Variants in PCDHGB1 observed in about 807,000 individuals in gnomAD.
The protein encoded by PCDHGB1 is protocadherin gamma-B1.
In PCDHGB1, 34 loss-of-function variants were observed where a neutral mutation model predicts 56.6. The ratio of observed to expected loss-of-function variants is 0.60; its 90% confidence interval spans 0.46 to 0.80. The LOEUF is 0.80. PCDHGB1 is among the 30% of genes least tolerant of loss of function. The probability of loss-of-function intolerance (pLI) is 0.00; values close to 1 mark genes in which losing one functional copy is unlikely to be tolerated. For synonymous variants in PCDHGB1, 561 were observed against 505.9 expected, an observed-to-expected ratio of 1.11 and a Z score of -1.46; for missense variants, 1,278 against 1,204.6, an observed-to-expected ratio of 1.06 and a Z score of -0.90.
chr5:141,351,590 A>C lies in PCDHGB1; in HGVS notation c.1330A>C (p.Asn444His), dbSNP rs1758764675. 1 of 1,613,860 alleles carries C rather than the reference A, an allele frequency of 6.2e-7. No homozygotes were observed. Among genetic ancestry groups the C allele is most frequent in the Admixed American group, 1.7e-5 (1 of 59,992 alleles). Residue 444 changes from asparagine (N) to histidine (H), a missense_variant, in exon 1 of 4, where the codon AAT becomes CAT. Transcript: ENST00000523390. ...ITLHISDIND[N>H]APVFHQASYV... Reference sequence around the variant, plus strand: ...CCTGCACATCTCCGACATCAACGACAATGCACCTGTTTTCCATCAGGCCTC... The same window carrying C: ...CCTGCACATCTCCGACATCAACGACCATGCACCTGTTTTCCATCAGGCCTC...
At chr5:141,373,705 A>G (rs1023574849) in intron 1 of PCDHGB1, among the ~76,000 whole-genome samples, 2 of 152,224 alleles carry the variant, frequency 1.3e-5, no homozygotes, top group African/African-American at 4.8e-5. Flanking sequence ...AAATTATTCA[A>G]AATAATCTCT....
At chr5:141,415,259 T>A (rs778452630) in intron 1 of PCDHGB1, 5 of 1,614,226 alleles carry the variant, frequency 3.1e-6, no homozygotes, top group Admixed American at 1.7e-5. Flanking sequence ...GACCTCACTC[T>A]GTACCTGGTG....
chr5:141,452,387 G>A (rs1052689230), intron 1 of PCDHGB1, among the ~76,000 whole-genome samples: 5 of 152,146 alleles, frequency 3.3e-5, no homozygotes, highest in African/African-American at 1.2e-4. Context: ...ATAGTATTTA[G>A]AAACTAAGAT....
intron 1 of PCDHGB1, chr5:141,430,741 A>T (rs370226249): frequency 6.7e-6 from 10 of 1,498,900 alleles, no homozygotes; most frequent in Non-Finnish European, 8.9e-6. Flanking sequence ...ATTGAAAATA[A>T]TTCTGGAGGA....
chr5:141,381,965 G>A (rs571350764), intron 1 of PCDHGB1, among the ~76,000 whole-genome samples: 2 of 151,078 alleles, frequency 1.3e-5, no homozygotes, highest in Admixed American at 1.3e-4. Context: ...GAGTAGCTGG[G>A]ATTACAGGCG....
chr5:141,399,274 C>T, intron 1 of PCDHGB1: 1 of 1,613,848 alleles, frequency 6.2e-7, no homozygotes, highest in Non-Finnish European at 8.5e-7. Context: ...TTGTCAATTA[C>T]AAGGCGAAGT....
At chr5:141,397,277 C>A (rs920366365) in intron 1 of PCDHGB1, among the ~76,000 whole-genome samples, 1 of 151,970 alleles carries the variant, frequency 6.6e-6, no homozygotes. Flanking sequence ...ATCATATGGG[C>A]AGTATACTTG....
intron 1 of PCDHGB1, chr5:141,389,415 G>A (rs915246049): frequency 1.9e-6 from 3 of 1,613,598 alleles, no homozygotes; most frequent in Non-Finnish European, 2.5e-6. Context: ...GGAGAGCGGG[G>A]TGGTGTTCGC....
intron 1 of PCDHGB1, among the ~76,000 whole-genome samples, chr5:141,473,466 G>A (rs1217251844): frequency 1.3e-5 from 2 of 151,738 alleles, no homozygotes; most frequent in East Asian, 1.9e-4. Flanking sequence ...TTAAAGTTGT[G>A]CCAAGTTCAA....
At position 141,476,090 on chromosome 5, in the gene PCDHGB1, C is replaced by T; in HGVS notation, c.2410-18717C>T. On this transcript the variant is annotated intron_variant, in intron 1 of 3. Coordinates refer to ENST00000523390, the MANE Select transcript of PCDHGB1 (RefSeq NM_018922.3). The surrounding 1 kb of genome is among the most constrained non-coding windows in gnomAD (Gnocchi z 7.6). ...GAAATCTCAGGGACGATCTGGACCC[C>T]GCTGAGAGGAACTGCTTTTGAGTGA... 3 of 1,562,222 alleles carry T rather than the reference C, an allele frequency of 1.9e-6. No individual in the cohort carries two copies. Among genetic ancestry groups the T allele is most frequent in the African/African-American group, 1.4e-5 (1 of 73,764 alleles).
At chr5:141,419,757 G>A (rs1468216226) in intron 1 of PCDHGB1, 5 of 1,613,876 alleles carry the variant, frequency 3.1e-6, no homozygotes, top group African/African-American at 1.3e-5. Flanking sequence ...CGTGCTTTGG[G>A]TGACAAGGAC....
chr5:141,362,675 T>C (rs1187670127), intron 1 of PCDHGB1: 1 of 1,249,402 alleles, frequency 8.0e-7, no homozygotes, highest in Admixed American at 2.8e-5. Context: ...TGTGCCTTAA[T>C]TGTCTTAATC....
intron 1 of PCDHGB1, chr5:141,423,689 G>T: frequency 7.1e-7 from 1 of 1,400,130 alleles, no homozygotes; most frequent in Non-Finnish European, 9.4e-7. Context: ...CCTCCTAATT[G>T]TTGGTGTCTT....
intron 1 of PCDHGB1, chr5:141,366,537 C>A (rs1163032115): frequency 6.2e-7 from 1 of 1,614,132 alleles, no homozygotes; most frequent in African/African-American, 1.3e-5. Context: ...GCGGGTGTGC[C>A]CGCCTCGCAC....
At position 141,476,978 on chromosome 5, in the gene PCDHGB1, C is replaced by T; in HGVS notation, c.2410-17829C>T. 2 of 1,614,256 alleles carry T rather than the reference C, an allele frequency of 1.2e-6. No homozygotes were observed. Among genetic ancestry groups the T allele is most frequent in the Non-Finnish European group, 1.7e-6 (2 of 1,180,058 alleles). ...TATTTACTCCTTCGGCAGCCACAAC[C>T]GCGCCGGCGTGCGGCAACTATTCGC... On this transcript the variant is annotated intron_variant, in intron 1 of 3. Coordinates refer to ENST00000523390, the MANE Select transcript of PCDHGB1 (RefSeq NM_018922.3). This position sits in a 1 kb window ranked among gnomAD's most constrained non-coding sequence, Gnocchi z 7.6.
chr5:141,476,417 C>A lies in PCDHGB1; in HGVS notation c.2410-18390C>A. ...GGATCGAGAGGAGCTGTGTGGGACA[C>A]TGCCCTCTTGCACTGTAACTCTGGA... is the stretch of plus-strand genomic sequence containing the variant. On this transcript the variant is annotated intron_variant, in intron 1 of 3. Coordinates refer to ENST00000523390, the MANE Select transcript of PCDHGB1 (RefSeq NM_018922.3). This position sits in a 1 kb window ranked among gnomAD's most constrained non-coding sequence, Gnocchi z 7.6. The A allele has an allele frequency of 6.2e-7, 1 of 1,614,112 alleles. No homozygotes were observed. The highest frequency in any genetic ancestry group is 8.5e-7 in the Non-Finnish European group (1 of 1,179,994).
At chr5:141,463,265 A>G (rs2099055701) in intron 1 of PCDHGB1, among the ~76,000 whole-genome samples, 1 of 151,998 alleles carries the variant, frequency 6.6e-6, no homozygotes, top group African/African-American at 2.4e-5. Flanking sequence ...ACTCTATCCC[A>G]TAAATTCTGG....
Position 141,350,369 on chromosome 5 carries a change from G to A in PCDHGB1, c.109G>A (p.Glu37Lys), listed in dbSNP as rs2149756755. Reference protein sequence around the residue: ...ISQQIRYTIPEELANGSRVGK... With the variant: ...ISQQIRYTIPKELANGSRVGK... ...CCAGCAGATCCGATACACGATTCCA[G>A]AGGAGCTAGCCAACGGCTCACGGGT... Residue 37 changes from glutamate (E) to lysine (K), a missense_variant, in exon 1 of 4, where the codon GAG (glutamate) becomes AAG (lysine). By Grantham distance (56) the Glu-to-Lys change is moderately conservative (BLOSUM62 1). Transcript: ENST00000523390. 2 of 1,582,152 alleles carry A rather than the reference G, an allele frequency of 1.3e-6. No individual in the cohort carries two copies. The highest frequency in any genetic ancestry group is 2.2e-5 in the East Asian group (1 of 44,534).
chr5:141,501,290 TAC>T (rs55762287), intron 2 of PCDHGB1, among the ~76,000 whole-genome samples: 11,544 of 136,022 alleles, frequency 0.085, 708 homozygotes, highest in East Asian at 0.37. Context: ...TATTCCCTTA[TAC>T]ACACACACAC....
Sources: allele counts gnomAD v4.1 joint callset (sites outside exome capture counted in the v4.1 genomes callset), GRCh38; gene constraint gnomAD v4.1.1; non-coding constraint Gnocchi (gnomAD v3.1); transcripts MANE v1.5; gene names NCBI Gene and HGNC (gene_info 2026-07-23, HGNC 2026-07-21).